C8A: variants seen among roughly 807,000 people sequenced by gnomAD.
C8A encodes the protein complement C8 alpha chain.
A neutral mutation model predicts 65.3 loss-of-function variants in C8A; 67 were observed. That is an observed-to-expected ratio of 1.03 (90% CI 0.84 to 1.26). The LOEUF is 1.26. Among genes scored for constraint, C8A ranks in the 50% most tolerant of loss-of-function variants. The pLI, the probability that C8A is intolerant of heterozygous loss-of-function variation, is 0.00. For missense variants in C8A, 781 were observed against 723.9 expected (o/e 1.08, Z -0.90); for synonymous variants, 290 against 259.4 (o/e 1.12, Z -1.13).
At chr1:56,859,830 G>C (rs1456533667) in intron 1 of C8A, among the ~76,000 whole-genome samples, 1 of 152,144 alleles carries the variant, frequency 6.6e-6, no homozygotes, top group Non-Finnish European at 1.5e-5. Flanking sequence ...GGGAGGACGA[G>C]GCAGGTGGAT....
At position 56,912,409 on chromosome 1, in the gene C8A, C is replaced by T; in HGVS notation, c.1387C>T (p.Pro463Ser). 1 of 1,614,162 alleles carries T rather than the reference C, an allele frequency of 6.2e-7. No homozygotes were observed. Among genetic ancestry groups the T allele is most frequent in the Non-Finnish European group, 8.5e-7 (1 of 1,179,998 alleles). Reference protein sequence around the residue: ...NPVVIDFEMQPIHEVLRHTSL... With the variant: ...NPVVIDFEMQSIHEVLRHTSL... ...GTTCTTTCTGTGCCCACAGATGCAG[C>T]CTATCCACGAGGTGCTGCGGCACAC... is the stretch of plus-strand genomic sequence containing the variant. The change falls in exon 10 of 11, where the codon CCT becomes TCT. Residue 463 changes from proline to serine, a missense_variant. Transcript: ENST00000361249.
At chr1:56,903,512 T>C (rs997020938) in intron 7 of C8A, among the ~76,000 whole-genome samples, 4 of 152,230 alleles carry the variant, frequency 2.6e-5, no homozygotes, top group African/African-American at 9.6e-5. Flanking sequence ...GAGAATGGAC[T>C]AATACACTTG....
rs140219346 is a variant in C8A at position 56,897,491 on chromosome 1, C to T, written c.1097-9176C>T. ...GGGCTCAGCCAGAAAGTGCTATCAT[C>T]GATTAGTGATGTCTGCCAGAGGCTG... is the stretch of plus-strand genomic sequence containing the variant. On this transcript the variant is annotated intron_variant, in intron 7 of 10. Coordinates refer to ENST00000361249, the MANE Select transcript of C8A (RefSeq NM_000562.3). Among the ~76,000 whole-genome samples the T allele has an allele frequency of 1.2e-4, 18 of 152,274 alleles. No homozygotes were observed. The East Asian group carries it at 3.1e-3, about 26-fold the overall frequency.
intron 4 of C8A, among the ~76,000 whole-genome samples, chr1:56,877,549 C>T (rs1355410361): frequency 1.3e-5 from 2 of 152,140 alleles, no homozygotes; most frequent in African/African-American, 2.4e-5. Context: ...AGTCCTCTGC[C>T]ACTCTGTCTT....
At chr1:56,885,179 G>T (rs111415437) in intron 6 of C8A, among the ~76,000 whole-genome samples, 2 of 151,092 alleles carry the variant, frequency 1.3e-5, no homozygotes, top group African/African-American at 4.9e-5. Flanking sequence ...AGGTGTGGGG[G>T]AAGTCTGGCA....
intron 1 of C8A, among the ~76,000 whole-genome samples, chr1:56,859,487 G>A (rs1330952910): frequency 2.6e-5 from 4 of 152,196 alleles, no homozygotes; most frequent in Non-Finnish European, 4.4e-5. Context: ...GAAAGGTTTG[G>A]CCAGATGAAT....
At chr1:56,892,834 T>G (rs775025690) in intron 7 of C8A, among the ~76,000 whole-genome samples, 1 of 152,148 alleles carries the variant, frequency 6.6e-6, no homozygotes, top group African/African-American at 2.4e-5. Flanking sequence ...GTAGAATGCT[T>G]CCTACCAGTT....
chr1:56,876,086 T>A lies in C8A; in HGVS notation c.341T>A (p.Val114Glu). ...GGTCGCTGCCTGAAACGCCACCTTG[T>A]GTGTAATGGAGACCAGGACTGCCTT... ...ETGRCLKRHL[V>E]CNGDQDCLDG... Residue 114 changes from valine to glutamate, a missense_variant, in exon 4 of 11, where the codon GTG becomes GAG. Val to Glu is a moderately radical substitution (Grantham distance 121). Coordinates refer to ENST00000361249, the MANE Select transcript of C8A (RefSeq NM_000562.3). 1 of 1,613,696 alleles carries A rather than the reference T, an allele frequency of 6.2e-7. No homozygotes were observed. The highest frequency in any genetic ancestry group is 1.1e-5 in the South Asian group (1 of 91,068).
intron 1 of C8A, among the ~76,000 whole-genome samples, chr1:56,860,952 G>A (rs779770370): frequency 3.3e-5 from 5 of 152,292 alleles, no homozygotes; most frequent in Non-Finnish European, 5.9e-5. Flanking sequence ...GAAAAAAGTG[G>A]TTCACAGACT....
At chr1:56,902,171 G>A (rs1390815829) in intron 7 of C8A, among the ~76,000 whole-genome samples, 2 of 152,086 alleles carry the variant, frequency 1.3e-5, no homozygotes, top group African/African-American at 4.8e-5. Context: ...AGAGCTCACT[G>A]CCTGCTGAAA....
At chr1:56,895,452 C>A (rs1290569969) in intron 7 of C8A, among the ~76,000 whole-genome samples, 1 of 152,118 alleles carries the variant, frequency 6.6e-6, no homozygotes, top group Non-Finnish European at 1.5e-5. Flanking sequence ...TGAAGTCAAA[C>A]TCAAGAACCT....
intron 7 of C8A, among the ~76,000 whole-genome samples, chr1:56,903,951 G>T (rs1644444866): frequency 1.3e-5 from 2 of 152,194 alleles, no homozygotes; most frequent in South Asian, 2.1e-4. Flanking sequence ...ATAAACTGCA[G>T]TTTGACCTGG....
chr1:56,905,064 T>A (rs1048213958), intron 7 of C8A, among the ~76,000 whole-genome samples: 1 of 152,226 alleles, frequency 6.6e-6, no homozygotes, highest in Non-Finnish European at 1.5e-5. Context: ...CATTTTTTAA[T>A]CAAAACAATT....
At chr1:56,912,344 G>T (rs1644514592) in intron 9 of C8A, 59 bp from the exon 10 acceptor site, 2 of 1,541,132 alleles carry the variant, frequency 1.3e-6, no homozygotes. Context: ...CCGGTTCTTG[G>T]GCTCTGGGAA....
chr1:56,875,807 C>A (rs879661599), intron 3 of C8A, among the ~76,000 whole-genome samples: 1 of 151,978 alleles, frequency 6.6e-6, no homozygotes, highest in Admixed American at 6.6e-5. Context: ...ATTACATGGG[C>A]AGACTGGCAT....
chr1:56,912,945 G>A (rs1471679564), intron 10 of C8A, among the ~76,000 whole-genome samples: 2 of 152,230 alleles, frequency 1.3e-5, no homozygotes, highest in East Asian at 1.9e-4. Context: ...TATAACAACA[G>A]AAGTGTATTG....
intron 7 of C8A, among the ~76,000 whole-genome samples, chr1:56,887,641 C>T (rs1044511802): frequency 5.9e-5 from 9 of 152,048 alleles, no homozygotes. Flanking sequence ...TTTCTCCCAT[C>T]CAAAGGATTA....
intron 1 of C8A, 117 bp downstream of exon 1, chr1:56,855,095 T>C: frequency 1.2e-6 from 1 of 806,054 alleles, no homozygotes. Flanking sequence ...CCTCTTTTCA[T>C]GTTATTACTA....
intron 1 of C8A, among the ~76,000 whole-genome samples, chr1:56,862,722 A>C (rs2101190716): frequency 6.6e-6 from 1 of 151,910 alleles, no homozygotes; most frequent in East Asian, 1.9e-4. Flanking sequence ...AGAAGCAAAG[A>C]CTCCTGAGTC....
Sources: gnomAD v4.1 joint callset for allele counts (sites outside exome capture counted in the v4.1 genomes callset) on GRCh38, gnomAD v4.1.1 for gene constraint, MANE v1.5 for transcripts, NCBI Gene and HGNC (gene_info 2026-07-23, HGNC 2026-07-21) for gene names.